The following MTA1 variants were observed in gnomAD, a reference collection of about 807,000 sequenced individuals.
The protein encoded by MTA1 is metastasis-associated protein MTA1.
A neutral mutation model predicts 97.0 loss-of-function variants in MTA1; 15 were observed. The ratio of observed to expected loss-of-function variants is 0.15; its 90% CI spans 0.10 to 0.24. MTA1 has a LOEUF of 0.24. MTA1 is among the 10% of genes least tolerant of loss of function. The probability of loss-of-function intolerance (pLI) is 1.00; values close to 1 mark genes in which losing one functional copy is unlikely to be tolerated. For missense variants in MTA1, 709 were observed against 1,015.1 expected (o/e 0.70, Z 4.10); for synonymous variants, 435 against 417.5 (o/e 1.04, Z -0.51).
chr14:105,442,934 G>C (rs2082592792), intron 2 of MTA1, among the ~76,000 whole-genome samples: 1 of 152,260 alleles, frequency 6.6e-6, no homozygotes, highest in South Asian at 2.1e-4. Context: ...CCTGGCCTGA[G>C]GCGCTGAGCT....
intron 18 of MTA1, chr14:105,467,996 T>C (rs2083667236): frequency 2.4e-5 from 7 of 292,644 alleles, no homozygotes; most frequent in South Asian, 2.2e-4. Context: ...GCCGCCTGGC[T>C]GGGCGGGGCC....
At chr14:105,432,490 C>T (rs1017660075) in intron 1 of MTA1, among the ~76,000 whole-genome samples, 5 of 152,142 alleles carry the variant, frequency 3.3e-5, no homozygotes, top group Admixed American at 6.6e-5. Context: ...CCACCTGCCT[C>T]GGCCTCCCAA....
chr14:105,464,767 C>T lies in MTA1; in HGVS notation c.1438C>T (p.Arg480Trp), dbSNP rs1555432120. 2.5e-6 allele frequency: 4 copies of T among 1,609,576 alleles called. No individual in the cohort carries two copies. Among genetic ancestry groups the T allele is most frequent in the East Asian group, 2.2e-5 (1 of 44,792 alleles). ...AFYLHTTKLT[R>W]IARRLCREIL... ...CTATCTGCACACGACGAAGCTGACG[C>T]GGATCGCCCGGCGCCTGTGCCGTGA... Residue 480 changes from arginine (R) to tryptophan (W), a missense_variant, in exon 15 of 21, where the codon CGG becomes TGG. This residue lies in a region of MTA1 where 388 missense variants were observed against 421.6 expected (regional missense o/e 0.92). Coordinates refer to ENST00000331320, the MANE Select transcript of MTA1 (RefSeq NM_004689.4).
At position 105,458,744 on chromosome 14, in the gene MTA1, G is replaced by A. The variant is rs892526426; in HGVS notation, c.653+372G>A. Among the ~76,000 whole-genome samples the A allele has an allele frequency of 3.9e-5, 6 of 152,326 alleles. No individual in the cohort carries two copies. In the South Asian group the frequency reaches 8.3e-4, roughly 21 times the overall value. Reference sequence around the variant, plus strand: ...CCCGGGCAGACCCCTGGGGCAGGGCGAAGGCCGAGGCCCAGGAGAGGACCA... The same window carrying A: ...CCCGGGCAGACCCCTGGGGCAGGGCAAAGGCCGAGGCCCAGGAGAGGACCA... On this transcript the variant is annotated intron_variant, in intron 8 of 20. Coordinates refer to ENST00000331320, the MANE Select transcript of MTA1 (RefSeq NM_004689.4).
intron 9 of MTA1, 151 bp downstream of exon 9, chr14:105,460,608 C>A: frequency 8.4e-7 from 1 of 1,197,268 alleles, no homozygotes; most frequent in Non-Finnish European, 1.1e-6. Context: ...CTTTCCTATC[C>A]ACCCCAAACT....
intron 6 of MTA1, among the ~76,000 whole-genome samples, chr14:105,453,425 A>G (rs2083020686): frequency 6.6e-6 from 1 of 152,346 alleles, no homozygotes; most frequent in East Asian, 1.9e-4. Flanking sequence ...TGGGAGGATC[A>G]CTTGAACCCA....
At chr14:105,423,250 TGC>T (rs2081905503) in intron 1 of MTA1, among the ~76,000 whole-genome samples, 1 of 148,838 alleles carries the variant, frequency 6.7e-6, no homozygotes, top group Non-Finnish European at 1.5e-5. Context: ...GATGGAGTCT[TGC>T]TCTGTGGCCC....
chr14:105,439,386 G>A (rs1424148530), intron 2 of MTA1, among the ~76,000 whole-genome samples: 1 of 152,164 alleles, frequency 6.6e-6, no homozygotes, highest in Non-Finnish European at 1.5e-5. Flanking sequence ...GAGCCTGGCA[G>A]CACCAGATCC....
In MTA1 at chr14:105,468,361, T is replaced by C. The variant is rs1196234658; in HGVS notation, c.1814-1106T>C. Reference sequence around the variant, plus strand: ...AGGCACTTACCTGGGTAAGTAGTTTTTGTGCTACTGGCCAGCCCTGGGCGC... The same window carrying C: ...AGGCACTTACCTGGGTAAGTAGTTTCTGTGCTACTGGCCAGCCCTGGGCGC... On this transcript the variant is annotated intron_variant, in intron 18 of 20. Transcript: ENST00000331320. 4.6e-6 allele frequency: 6 copies of C among 1,304,030 alleles called. No homozygotes were observed. In the Admixed American group the frequency reaches 9.2e-5, roughly 20 times the overall value. The allele number at this position is 1,304,030 out of a possible 1,614,324, so 80.8% of individuals were successfully genotyped here. A position where few individuals can be genotyped will look rare whatever the true frequency, so the allele number is the denominator to read the frequency against.
intron 8 of MTA1, among the ~76,000 whole-genome samples, chr14:105,459,933 C>A (rs1243034858): frequency 1.6e-5 from 1 of 61,390 alleles, no homozygotes. Context: ...TCCCTGGCGC[C>A]TGGGGAGCTG....
chr14:105,446,262 G>A (rs934055328), intron 3 of MTA1, among the ~76,000 whole-genome samples: 23 of 152,348 alleles, frequency 1.5e-4, no homozygotes, highest in Non-Finnish European at 2.2e-4. Flanking sequence ...TTCATGTGTC[G>A]GTGGGGGCAG....
In MTA1 at chr14:105,470,048, A is replaced by G. The variant is rs1337228330; in HGVS notation, c.1998-17A>G. On this transcript the variant is annotated splice_polypyrimidine_tract_variant and intron_variant, in intron 20 of 20. Coordinates refer to ENST00000331320, the MANE Select transcript of MTA1 (RefSeq NM_004689.4). ...TCCGCACAGCGTCCCGGCCCTCACC[A>G]CCACCTCTGCCCACAGGAAGATCCG... The G allele has an allele frequency of 1.2e-6, 2 of 1,612,366 alleles. No individual in the cohort carries two copies. The highest frequency in any genetic ancestry group is 2.2e-5 in the South Asian group (2 of 91,062).
At chr14:105,467,302 G>A (rs2083634912) in intron 18 of MTA1, 2 of 417,136 alleles carry the variant, frequency 4.8e-6, no homozygotes, top group Non-Finnish European at 9.7e-6. Flanking sequence ...GGCCAGGTGT[G>A]TGGGGCCCGG....
At chr14:105,450,457 A>C in intron 6 of MTA1, 133 bp downstream of exon 6, 2 of 1,039,788 alleles carry the variant, frequency 1.9e-6, no homozygotes, top group Non-Finnish European at 2.7e-6. Flanking sequence ...TCTGGGGGGA[A>C]GCGGGGATTG....
At chr14:105,460,566 C>A in intron 9 of MTA1, 109 bp downstream of exon 9, 2 of 1,263,406 alleles carry the variant, frequency 1.6e-6, no homozygotes, top group Non-Finnish European at 2.1e-6. Flanking sequence ...TATTCAGGAC[C>A]CCTGCAGAGG....
intron 7 of MTA1, among the ~76,000 whole-genome samples, 158 bp from the exon 8 acceptor site, chr14:105,458,112 C>A (rs587767105): frequency 6.6e-6 from 1 of 152,148 alleles, no homozygotes; most frequent in East Asian, 1.9e-4. Flanking sequence ...CCTGTGTGTG[C>A]AACAGCCTCC....
rs1595376576 is a variant in MTA1, at chr14:105,454,367, A to G, written c.550+57A>G. 4.0e-6 allele frequency: 5 copies of G among 1,261,512 alleles called. No individual in the cohort carries two copies. In the East Asian group the frequency reaches 1.2e-4, roughly 30 times the overall value. 78.1% of individuals were successfully genotyped at this position (1,261,512 alleles called of 1,614,324 possible). A position where few individuals can be genotyped will look rare whatever the true frequency, so the allele number is the denominator to read the frequency against. On this transcript the variant is annotated intron_variant, in intron 7 of 20. Transcript: ENST00000331320. ...CTGTCCTGTCCTGTCCTGCCGGGTG[A>G]CACACTGGGTGAGAGGAGGCTGGGA...
intron 6 of MTA1, 38 bp from the exon 7 acceptor site, chr14:105,454,155 T>G: frequency 6.6e-7 from 1 of 1,519,602 alleles, no homozygotes; most frequent in Non-Finnish European, 9.1e-7. Flanking sequence ...GCAGCCTGAC[T>G]GTGCTGACGC....
chr14:105,452,357 C>T (rs1302401356), intron 6 of MTA1, among the ~76,000 whole-genome samples: 2 of 152,210 alleles, frequency 1.3e-5, no homozygotes. Context: ...CAGTCCGGCA[C>T]CAAATAGAAA....
Sources: allele counts gnomAD v4.1 joint callset (sites outside exome capture counted in the v4.1 genomes callset), GRCh38; gene constraint gnomAD v4.1.1; regional missense constraint gnomAD v4.1.1; transcripts MANE v1.5; gene names NCBI Gene and HGNC (gene_info 2026-07-23, HGNC 2026-07-21).